TTLL2: variants seen among roughly 807,000 people sequenced by gnomAD.
The protein encoded by TTLL2 is tubulin tyrosine ligase like 2.
In TTLL2, 10 loss-of-function variants were observed where a neutral mutation model predicts 7.5. That is an observed-to-expected ratio of 1.33 (90% CI 0.82 to 2.25). The LOEUF is 2.25. TTLL2 is among the 30% of genes most tolerant of loss of function. The probability of loss-of-function intolerance (pLI) is 0.00; values close to 1 mark genes in which losing one functional copy is unlikely to be tolerated. For missense variants in TTLL2, 733 were observed against 735.7 expected (o/e 1.00, Z 0.04); for synonymous variants, 284 against 280.3 (o/e 1.01, Z -0.13).
At chr6:167,332,564 T>C (rs1778932931) in intron 1 of TTLL2, among the ~76,000 whole-genome samples, 1 of 150,686 alleles carries the variant, frequency 6.6e-6, no homozygotes, top group Non-Finnish European at 1.5e-5. Context: ...TGATTCTTCC[T>C]ACCCATGAGC....
Position 167,341,501 on chromosome 6 carries a change from A to G in TTLL2, c.1601A>G (p.Lys534Arg), listed in dbSNP as rs777770198. ...TCCCTCTTCCAGTCGCACTCCTGCAAGACCAAGACCTCCCCGTGTGTCCTG... is the reference window on the plus strand; with the variant it reads ...TCCCTCTTCCAGTCGCACTCCTGCAGGACCAAGACCTCCCCGTGTGTCCTG... ...YASLFQSHSC[K>R]TKTSPCVLSD... The change falls in exon 3 of 3, where the codon AAG becomes AGG. Residue 534 changes from lysine (K) to arginine (R), a missense_variant. Lys to Arg is a conservative substitution (Grantham distance 26, BLOSUM62 2). Transcript: ENST00000239587. 4 of 1,614,166 alleles carry G rather than the reference A, an allele frequency of 2.5e-6. No individual in the cohort carries two copies. The South Asian group carries it at 4.4e-5, about 18-fold the overall frequency.
At chr6:167,332,248 C>CT (rs1463440840) in intron 1 of TTLL2, among the ~76,000 whole-genome samples, 2 of 152,066 alleles carry the variant, frequency 1.3e-5, no homozygotes, top group African/African-American at 2.4e-5. Context: ...CGGGGTTTGC[C>CT]TTTTTTGAAC....
intron 1 of TTLL2, among the ~76,000 whole-genome samples, chr6:167,325,509 T>C (rs1436699021): frequency 1.3e-5 from 2 of 152,150 alleles, no homozygotes; most frequent in Admixed American, 6.5e-5. Context: ...GTAGACCCAT[T>C]CCTGAGACTA....
chr6:167,328,174 A>G, intron 1 of TTLL2: 1 of 455,112 alleles, frequency 2.2e-6, no homozygotes, highest in Admixed American at 2.4e-5. Flanking sequence ...CCTGTCTTGG[A>G]TGGAAGAAAG....
Position 167,325,183 on chromosome 6 carries a change from C to T in TTLL2, c.10C>T (p.Arg4Trp), listed in dbSNP as rs6929383. The change falls in exon 1 of 3, where the codon CGG (arginine) becomes TGG (tryptophan). Residue 4 changes from arginine (R) to tryptophan (W), a missense_variant. Coordinates refer to ENST00000239587, the MANE Select transcript of TTLL2 (RefSeq NM_031949.5). MRG[R>W]DLCSSTQSQA... ...TCGGAACCAGCGCCCAATGAGAGGG[C>T]GGGACCTGTGTTCCTCCACACAAAG... The T allele has an allele frequency of 1.0e-3, 1,629 of 1,578,954 alleles. 20 individuals are homozygous for T. The African/African-American group carries it at 0.02, about 19-fold the overall frequency.
Position 167,340,252 on chromosome 6 carries a change from G to T in TTLL2, c.352G>T (p.Ala118Ser). ...WNKFDKQEQN[A>S]EDWNLYWRTS... ...TAAGTTTGATAAGCAGGAGCAGAAC[G>T]CGGAGGACTGGAACCTGTACTGGAG... The change falls in exon 3 of 3, where the codon GCG becomes TCG. Residue 118 changes from alanine to serine, a missense_variant. Ala to Ser is a moderately conservative substitution (Grantham distance 99). Coordinates refer to ENST00000239587, the MANE Select transcript of TTLL2 (RefSeq NM_031949.5). 1 of 1,614,112 alleles carries T rather than the reference G, an allele frequency of 6.2e-7. No homozygotes were observed. The highest frequency in any genetic ancestry group is 1.1e-5 in the South Asian group (1 of 91,066).
chr6:167,336,924 G>T (rs73266971), intron 1 of TTLL2, among the ~76,000 whole-genome samples: 3,214 of 152,222 alleles, frequency 0.021, 128 homozygotes, highest in African/African-American at 0.074. Flanking sequence ...GCCTTGGGGG[G>T]CTCCTCCCCA....
chr6:167,335,467 C>A (rs1347355933), intron 1 of TTLL2, among the ~76,000 whole-genome samples: 2 of 146,064 alleles, frequency 1.4e-5, no homozygotes, highest in African/African-American at 5.2e-5. Context: ...CATCCCATTA[C>A]TGGGTATATA....
intron 1 of TTLL2, among the ~76,000 whole-genome samples, chr6:167,336,039 T>G (rs1778980348): frequency 6.6e-6 from 1 of 151,952 alleles, no homozygotes. Flanking sequence ...ATTTCCTGTA[T>G]CCATCTCTCC....
At chr6:167,339,769 C>G (rs960151724) in intron 2 of TTLL2, among the ~76,000 whole-genome samples, 5 of 152,202 alleles carry the variant, frequency 3.3e-5, no homozygotes, top group Admixed American at 6.5e-5. Context: ...TTTAGGCCAA[C>G]AGGACGGGCC....
In TTLL2 at chr6:167,341,535, T is replaced by C. The variant is rs936416701; in HGVS notation, c.1635T>C (p.Arg545=). The change falls in exon 3 of 3, where the codon CGT becomes CGC. Residue 545 remains arginine, a synonymous_variant. Coordinates refer to ENST00000239587, the MANE Select transcript of TTLL2 (RefSeq NM_031949.5). ...CCTCCCCGTGTGTCCTGTCAGACCG[T>C]GGCAAAGCTCCAGATCCCCAAGCAG... is the stretch of plus-strand genomic sequence containing the variant. ...TKTSPCVLSD[R]GKAPDPQAGN... The C allele has an allele frequency of 3.7e-6, 6 of 1,614,178 alleles. No homozygotes were observed. The highest frequency in any genetic ancestry group is 5.1e-6 in the Non-Finnish European group (6 of 1,180,032).
intron 1 of TTLL2, among the ~76,000 whole-genome samples, chr6:167,326,385 G>C (rs1367310379): frequency 1.3e-5 from 2 of 152,086 alleles, no homozygotes; most frequent in Non-Finnish European, 2.9e-5. Context: ...AAACGGGACT[G>C]TCTCATCTAT....
rs779980008 is a variant in TTLL2, at chr6:167,338,678, C to T, written c.79C>T (p.Leu27Phe). 44 of 1,613,988 alleles carry T rather than the reference C, an allele frequency of 2.7e-5. No homozygotes were observed. In the South Asian group the frequency reaches 3.4e-4, roughly 12 times the overall value. ...SLRTTTPAFT[L>F]NIPSEANHTE... ...GAGAACCACCACCCCAGCCTTTACC[C>T]TTAACATTCCATCCGAGGCAAACCA... Residue 27 changes from leucine (L) to phenylalanine (F), a missense_variant, in exon 2 of 3, where the codon CTT (leucine) becomes TTT (phenylalanine). Transcript: ENST00000239587.
At position 167,340,627 on chromosome 6, in the gene TTLL2, A is replaced by C. The variant is rs368188324; in HGVS notation, c.727A>C (p.Ile243Leu). Residue 243 changes from isoleucine (I) to leucine (L), a missense_variant, in exon 3 of 3, where the codon ATC (isoleucine) becomes CTC (leucine). Physicochemically the swap from Ile to Leu is conservative, Grantham distance 5. Transcript: ENST00000239587. ...FDDMYIVQKYISNPLLIGRYK... is the reference protein window; with the variant it reads ...FDDMYIVQKYLSNPLLIGRYK... ...TGATATGTACATAGTGCAGAAATAT[A>C]TCTCCAATCCTTTACTTATTGGCAG... The C allele has an allele frequency of 6.2e-7, 1 of 1,614,106 alleles. No homozygotes were observed. Among genetic ancestry groups the C allele is most frequent in the Non-Finnish European group, 8.5e-7 (1 of 1,180,036 alleles).
Position 167,325,137 on chromosome 6 carries a change from A to G in TTLL2, c.-37A>G, listed in dbSNP as rs1051706181. The G allele has an allele frequency of 3.2e-6, 5 of 1,561,896 alleles. No homozygotes were observed. The highest frequency in any genetic ancestry group is 4.3e-6 in the Non-Finnish European group (5 of 1,154,546). ...TCAGCTGGCGCTGCAGCTGCTGCAC[A>G]GAGACCCACAGAGGCCACCCTCGGA... On this transcript the variant is annotated 5_prime_UTR_variant, in exon 1 of 3. Coordinates refer to ENST00000239587, the MANE Select transcript of TTLL2 (RefSeq NM_031949.5).
At chr6:167,338,601 C>T in intron 1 of TTLL2, 46 bp from the exon 2 acceptor site, 9 of 1,574,342 alleles carry the variant, frequency 5.7e-6, no homozygotes, top group Non-Finnish European at 7.8e-6. Context: ...GCAACAGTGA[C>T]AAGGGAGATG....
At position 167,340,062 on chromosome 6, in the gene TTLL2, G is replaced by C. The variant is rs1001424110; in HGVS notation, c.205-43G>C. ...CCTCAGAAAAATCTACTAGGTTATG[G>C]TCTTGACCACTCTCCTAACCTTTCT... On this transcript the variant is annotated intron_variant, in intron 2 of 2. Transcript: ENST00000239587. 4 of 1,535,590 alleles carry C rather than the reference G, an allele frequency of 2.6e-6. 1 individual carries two copies. Among genetic ancestry groups the C allele is most frequent in the Non-Finnish European group, 2.6e-6 (3 of 1,144,104 alleles).
Position 167,338,699 on chromosome 6 carries a change from A to G in TTLL2, c.100A>G (p.Asn34Asp). Residue 34 changes from asparagine to aspartate, a missense_variant, in exon 2 of 3, where the codon AAC becomes GAC. Asn to Asp is a conservative substitution (Grantham distance 23, BLOSUM62 1). Transcript: ENST00000239587. ...TACCCTTAACATTCCATCCGAGGCA[A>G]ACCACACTGAGCAGCCGCCTGCAGG... Reference protein sequence around the residue: ...AFTLNIPSEANHTEQPPAGLG... With the variant: ...AFTLNIPSEADHTEQPPAGLG... The G allele has an allele frequency of 6.2e-7, 1 of 1,614,124 alleles. No homozygotes were observed. Among genetic ancestry groups the G allele is most frequent in the Non-Finnish European group, 8.5e-7 (1 of 1,179,992 alleles).
intron 2 of TTLL2, 48 bp downstream of exon 2, chr6:167,338,851 C>CCTTT (rs1554246408): frequency 6.9e-7 from 1 of 1,453,292 alleles, no homozygotes; most frequent in Non-Finnish European, 9.2e-7. Flanking sequence ...TTCCTTCCTT[C>CCTTT]CTTCCTTCCT....
Sources: allele counts gnomAD v4.1 joint callset (sites outside exome capture counted in the v4.1 genomes callset), GRCh38; gene constraint gnomAD v4.1.1; transcripts MANE v1.5; gene names NCBI Gene and HGNC (gene_info 2026-07-23, HGNC 2026-07-21).